SDHAF3: variants seen among roughly 807,000 people sequenced by gnomAD.
SDHAF3 encodes succinate dehydrogenase complex assembly factor 3.
Under a neutral mutation model 11.5 loss-of-function variants are expected in SDHAF3, and 18 were observed. The ratio of observed to expected loss-of-function variants is 1.56; its 90% CI spans 1.08 to 2.32. The LOEUF is 2.32. Ranked by LOEUF, SDHAF3 falls within the 30% of genes most tolerant of loss-of-function variation. The pLI, the probability that SDHAF3 is intolerant of heterozygous loss-of-function variation, is 0.00. For missense variants in SDHAF3, 200 were observed against 154.4 expected (o/e 1.30, Z -1.57); for synonymous variants, 72 against 59.3 (o/e 1.21, Z -0.99).
chr7:97,158,127 T>TA (rs200273088), intron 1 of SDHAF3, among the ~76,000 whole-genome samples: 47 of 146,734 alleles, frequency 3.2e-4, no homozygotes, highest in Non-Finnish European at 4.2e-4. Context: ...ACTTAAAGTA[T>TA]AAAAAAAAAA....
At chr7:97,121,829 T>C (rs1009100951) in intron 1 of SDHAF3, among the ~76,000 whole-genome samples, 3 of 150,278 alleles carry the variant, frequency 2.0e-5, no homozygotes, top group African/African-American at 7.3e-5. Context: ...AGAAACAGTA[T>C]GAGGTTTTTT....
intron 1 of SDHAF3, among the ~76,000 whole-genome samples, chr7:97,120,563 A>AT (rs1791476700): frequency 6.6e-6 from 1 of 151,712 alleles, no homozygotes; most frequent in African/African-American, 2.4e-5. Flanking sequence ...CATGACATGG[A>AT]TTTTTATGCC....
intron 1 of SDHAF3, among the ~76,000 whole-genome samples, chr7:97,171,524 T>G (rs998105707): frequency 6.6e-6 from 1 of 152,118 alleles, no homozygotes; most frequent in African/African-American, 2.4e-5. Context: ...TTTATGCTAT[T>G]GAGGAAATTA....
At position 97,163,956 on chromosome 7, in the gene SDHAF3, T is replaced by TC. The variant is rs201821765; in HGVS notation, c.175-17056_175-17055insC. Among the ~76,000 whole-genome samples the TC allele has an allele frequency of 2.0e-5, 3 of 152,036 alleles. No individual in the cohort carries two copies. The East Asian group carries it at 5.8e-4, about 29-fold the overall frequency. On this transcript the variant is annotated intron_variant, in intron 1 of 1. Coordinates refer to ENST00000432641, the MANE Select transcript of SDHAF3 (RefSeq NM_020186.3). ...GAAATTTTGGGTTGAAAATTCTTTT[T>TC]TTTTTTTTTTGAGACACAGTCTTGC...
intron 1 of SDHAF3, among the ~76,000 whole-genome samples, chr7:97,170,859 T>C (rs1789593145): frequency 6.6e-6 from 1 of 152,134 alleles, no homozygotes; most frequent in Non-Finnish European, 1.5e-5. Flanking sequence ...TTGCACTCTG[T>C]ATATCAAAGA....
intron 1 of SDHAF3, among the ~76,000 whole-genome samples, chr7:97,169,308 CA>C (rs35675985): frequency 6.6e-6 from 1 of 150,800 alleles, no homozygotes; most frequent in East Asian, 1.9e-4. Context: ...GAAACTGTCT[CA>C]AAAAAAAAGT....
intron 1 of SDHAF3, among the ~76,000 whole-genome samples, chr7:97,176,463 T>C (rs1417613769): frequency 6.6e-6 from 1 of 152,212 alleles, no homozygotes; most frequent in Non-Finnish European, 1.5e-5. Context: ...TCCAGGTAGA[T>C]ATGCTTGGCG....
chr7:97,126,690 G>A (rs1177201133), intron 1 of SDHAF3, among the ~76,000 whole-genome samples: 1 of 152,068 alleles, frequency 6.6e-6, no homozygotes, highest in Non-Finnish European at 1.5e-5. Context: ...GACTTGTGCT[G>A]GCAGCGAGAA....
Position 97,118,150 on chromosome 7 carries a change from G to T in SDHAF3, c.174+253G>T, listed in dbSNP as rs192487485. ...AGATGCCAGGTGCTCAAAGGGTGAG[G>T]GTAGGAGGTCACAAAAATGAGCAAG... is the stretch of plus-strand genomic sequence containing the variant. On this transcript the variant is annotated intron_variant, in intron 1 of 1. Transcript: ENST00000432641. 2.3e-4 allele frequency among the ~76,000 whole-genome samples: 35 copies of T among 152,184 alleles called. No homozygotes were observed. The East Asian group carries it at 2.9e-3, about 13-fold the overall frequency.
intron 1 of SDHAF3, chr7:97,135,153 A>G (rs1791732045): frequency 6.6e-6 from 1 of 150,402 alleles, no homozygotes; most frequent in African/African-American, 2.5e-5. Context: ...CATATTTCTC[A>G]TTGAGCTTTA....
intron 1 of SDHAF3, among the ~76,000 whole-genome samples, chr7:97,167,093 A>G (rs891301203): frequency 6.7e-6 from 1 of 149,456 alleles, no homozygotes; most frequent in Non-Finnish European, 1.5e-5. Context: ...GGAGTGTGTT[A>G]GGGTGGATTT....
chr7:97,152,639 GTTTA>G (rs113835139), intron 1 of SDHAF3, among the ~76,000 whole-genome samples: 149,471 of 151,350 alleles, frequency 0.99, 73,837 homozygotes, highest in East Asian at 1. Context: ...CCATTATTTT[GTTTA>G]TTTATTTATT....
chr7:97,128,675 G>T (rs1351061835), intron 1 of SDHAF3, among the ~76,000 whole-genome samples: 1 of 151,978 alleles, frequency 6.6e-6, no homozygotes, highest in African/African-American at 2.4e-5. Context: ...AAAATAAAAA[G>T]AAATTAAAAT....
At chr7:97,121,889 G>C (rs528828607) in intron 1 of SDHAF3, among the ~76,000 whole-genome samples, 9 of 139,708 alleles carry the variant, frequency 6.4e-5, no homozygotes, top group Non-Finnish European at 1.4e-4. Flanking sequence ...TGGAGTCTTC[G>C]CTCTATCGCC....
At chr7:97,167,742 G>C (rs543782053) in intron 1 of SDHAF3, among the ~76,000 whole-genome samples, 1 of 152,248 alleles carries the variant, frequency 6.6e-6, no homozygotes, top group East Asian at 1.9e-4. Flanking sequence ...TGCACTGGGT[G>C]GGGGGCCCAC....
intron 1 of SDHAF3, among the ~76,000 whole-genome samples, chr7:97,146,968 C>A (rs943262252): frequency 2.6e-5 from 4 of 152,064 alleles, no homozygotes; most frequent in Non-Finnish European, 5.9e-5. Flanking sequence ...GTCTTGATCT[C>A]CTGACCTCGT....
chr7:97,157,127 T>C (rs1183556153), intron 1 of SDHAF3, among the ~76,000 whole-genome samples: 2 of 152,256 alleles, frequency 1.3e-5, no homozygotes, highest in Admixed American at 1.3e-4. Flanking sequence ...ATTGCCTTGC[T>C]GTGTATAATC....
chr7:97,140,428 C>G (rs1027156149), intron 1 of SDHAF3, among the ~76,000 whole-genome samples: 11 of 143,366 alleles, frequency 7.7e-5, no homozygotes, highest in African/African-American at 2.9e-4. Context: ...TCACTGCAAG[C>G]TCCGCCTCCC....
intron 1 of SDHAF3, among the ~76,000 whole-genome samples, chr7:97,127,568 C>T (rs747224995): frequency 6.6e-6 from 1 of 152,048 alleles, no homozygotes; most frequent in Non-Finnish European, 1.5e-5. Context: ...AGTGGCATGT[C>T]ACCTATATTT....
Sources: gnomAD v4.1 joint callset for allele counts (sites outside exome capture counted in the v4.1 genomes callset) on GRCh38, gnomAD v4.1.1 for gene constraint, MANE v1.5 for transcripts, NCBI Gene and HGNC (gene_info 2026-07-23, HGNC 2026-07-21) for gene names.